The following FNBP4 variants were observed in gnomAD, a reference collection of about 807,000 sequenced individuals.
FNBP4 encodes formin-binding protein 4.
FNBP4 carries 34 observed loss-of-function variants against 119.3 expected under a neutral mutation model. That is an observed-to-expected ratio of 0.28 (90% CI 0.22 to 0.38). FNBP4 has a LOEUF of 0.38. FNBP4 is among the 10% of genes least tolerant of loss of function. The pLI, the probability that FNBP4 is intolerant of heterozygous loss-of-function variation, is 1.00. For synonymous variants in FNBP4, 462 were observed against 430.6 expected (o/e 1.07, Z -0.90); for missense variants, 1,112 against 1,228.9 (o/e 0.90, Z 1.42).
intron 2 of FNBP4, among the ~76,000 whole-genome samples, chr11:47,760,646 C>A (rs2097632047): frequency 6.6e-6 from 1 of 152,088 alleles, no homozygotes; most frequent in African/African-American, 2.4e-5. Context: ...GTTGGCCAGG[C>A]TGATCTAGAA....
Position 47,732,275 on chromosome 11 carries a change from G to A in FNBP4, c.1820+262C>T, listed in dbSNP as rs1378755605. The stretch of plus-strand genomic sequence containing the variant: ...TTAACCCCCAAGCCCGCCCTACTCC[G>A]TGCAACACTCTGGAGAGTAAAAACC... On this transcript the variant is annotated intron_variant, in intron 11 of 16. Transcript: ENST00000263773. This position sits in a 1 kb window ranked among gnomAD's most constrained non-coding sequence, Gnocchi z 4.2. 6.9e-6 allele frequency: 9 copies of A among 1,308,998 alleles called. No individual in the cohort carries two copies. The highest frequency in any genetic ancestry group is 3.0e-5 in the African/African-American group (2 of 67,054). 81.1% of individuals were successfully genotyped at this position (1,308,998 alleles called of 1,614,324 possible).
At chr11:47,763,693 G>A (rs1320880072) in intron 2 of FNBP4, among the ~76,000 whole-genome samples, 1 of 152,018 alleles carries the variant, frequency 6.6e-6, no homozygotes, top group African/African-American at 2.4e-5. Flanking sequence ...ATAGAGATGG[G>A]GTTTCACCGT....
intron 15 of FNBP4, among the ~76,000 whole-genome samples, chr11:47,722,081 A>T (rs1208909854): frequency 1.6e-4 from 21 of 128,478 alleles, no homozygotes; most frequent in African/African-American, 5.2e-4. Flanking sequence ...TCATAGATTT[A>T]TTTTTCCCTT....
intron 10 of FNBP4, 22 bp downstream of exon 10, chr11:47,734,000 CAAA>C (rs79199646): frequency 0.01 from 9,133 of 878,846 alleles, no homozygotes; most frequent in South Asian, 0.022. Context: ...CTGTTTATGC[CAAA>C]AAAAAAAAAA....
rs369288568 is a variant in FNBP4, at chr11:47,740,168, A to T, written c.1457-3428T>A. Among the ~76,000 whole-genome samples, 14 of 151,952 alleles carry T rather than the reference A, an allele frequency of 9.2e-5. No individual in the cohort carries two copies. In the East Asian group the frequency reaches 2.0e-3, roughly 21 times the overall value. On this transcript the variant is annotated intron_variant, in intron 8 of 16. Transcript: ENST00000263773. ...AGTGTCTCACGCCTGTAATCCAAGCACTTTGGGAGGCAGAGACGGGCGGAT... is the reference window on the plus strand; with the variant it reads ...AGTGTCTCACGCCTGTAATCCAAGCTCTTTGGGAGGCAGAGACGGGCGGAT...
chr11:47,751,758 C>G (rs1162370122), intron 4 of FNBP4, among the ~76,000 whole-genome samples: 1 of 152,100 alleles, frequency 6.6e-6, no homozygotes, highest in Non-Finnish European at 1.5e-5. Flanking sequence ...TTGAGACCAG[C>G]CTGATCAACA....
intron 12 of FNBP4, chr11:47,729,652 G>A: frequency 9.4e-6 from 9 of 961,712 alleles, no homozygotes; most frequent in Non-Finnish European, 1.1e-5. Flanking sequence ...TCGGACTACA[G>A]GCGTGGGCCA....
Position 47,767,326 on chromosome 11 carries a change from G to A in FNBP4, c.-38C>T. On this transcript the variant is annotated 5_prime_UTR_variant, in exon 1 of 17. Transcript: ENST00000263773. The stretch of plus-strand genomic sequence containing the variant: ...CGCGAGCAGAGAGCGTCGGGCGGCC[G>A]AGAGGGGCGGGCACTGGAGGCTGGG... 2 of 1,440,906 alleles carry A rather than the reference G, an allele frequency of 1.4e-6. No homozygotes were observed. Among genetic ancestry groups the A allele is most frequent in the Middle Eastern group, 2.3e-4 (1 of 4,322 alleles). 89.3% of individuals were successfully genotyped at this position (1,440,906 alleles called of 1,614,324 possible). A position where few individuals can be genotyped will look rare whatever the true frequency, so the allele number is the denominator to read the frequency against.
At chr11:47,736,808 C>A in intron 8 of FNBP4, 68 bp from the exon 9 acceptor site, 1 of 1,352,492 alleles carries the variant, frequency 7.4e-7, no homozygotes, top group Non-Finnish European at 1.0e-6. Context: ...ACCTTTTCCC[C>A]CATAGCAGAT....
chr11:47,723,063 T>C lies in FNBP4; in HGVS notation c.2718A>G (p.Pro906=). ...AVPTATIIEP[P]PPPPPPPPPP... ...GAGGAGGAGGAGGAGGAGGTGGTGG[T>C]GGTGGTTCTATAATGGTAGCGGTAG... Residue 906 remains proline, a synonymous_variant, in exon 15 of 17, where the codon CCA becomes CCG. Coordinates refer to ENST00000263773, the MANE Select transcript of FNBP4 (RefSeq NM_015308.5). 1 of 1,601,126 alleles carries C rather than the reference T, an allele frequency of 6.2e-7. No homozygotes were observed. Among genetic ancestry groups the C allele is most frequent in the Non-Finnish European group, 8.5e-7 (1 of 1,173,788 alleles).
intron 12 of FNBP4, chr11:47,725,056 C>T: frequency 3.4e-6 from 1 of 292,188 alleles, no homozygotes; most frequent in Non-Finnish European, 6.3e-6. Flanking sequence ...CTTCATAGCA[C>T]CTTCCCCATC....
At chr11:47,762,027 G>A (rs894872501) in intron 2 of FNBP4, among the ~76,000 whole-genome samples, 2 of 151,776 alleles carry the variant, frequency 1.3e-5, no homozygotes, top group African/African-American at 4.8e-5. Context: ...TAGTAGAGAC[G>A]GGGTTTCTCC....
chr11:47,741,661 C>G (rs1052029522), intron 8 of FNBP4, among the ~76,000 whole-genome samples: 1 of 151,736 alleles, frequency 6.6e-6, no homozygotes, highest in Non-Finnish European at 1.5e-5. Flanking sequence ...ACTAAAAATA[C>G]AAAAATTAGT....
chr11:47,742,513 G>A (rs889047585), intron 8 of FNBP4, among the ~76,000 whole-genome samples: 3 of 106,176 alleles, frequency 2.8e-5, no homozygotes, highest in African/African-American at 6.1e-5. Context: ...AAAGGACCAC[G>A]GGGTAGGGAA....
At chr11:47,728,848 C>CTT (rs35490791) in intron 12 of FNBP4, among the ~76,000 whole-genome samples, 10,158 of 113,510 alleles carry the variant, frequency 0.089, 613 homozygotes, top group Non-Finnish European at 0.12. Context: ...CTGTAGGCGT[C>CTT]TTTTTTTTTT....
chr11:47,744,233 CA>C, intron 7 of FNBP4, 70 bp from the exon 8 acceptor site: 1 of 1,307,558 alleles, frequency 7.6e-7, no homozygotes, highest in South Asian at 1.3e-5. Flanking sequence ...GAATAATAAA[CA>C]AGACTATGTT....
At chr11:47,753,643 A>C (rs978160840) in intron 3 of FNBP4, among the ~76,000 whole-genome samples, 4 of 151,992 alleles carry the variant, frequency 2.6e-5, no homozygotes, top group Non-Finnish European at 5.9e-5. Context: ...AAAAGAATAC[A>C]ATTATTATCG....
rs772599599 is a variant in FNBP4 at position 47,725,807 on chromosome 11, A to G, written c.2009-1029T>C. On this transcript the variant is annotated intron_variant, in intron 12 of 16. Transcript: ENST00000263773. ...CAATATATGGGACTATTAGATATAT[A>G]TCCCAGGAATGTTGAAGGGGATTTT... The G allele has an allele frequency of 1.0e-5, 10 of 982,396 alleles. 1 individual carries two copies. The South Asian group carries it at 1.4e-4, about 14-fold the overall frequency. 60.9% of individuals were successfully genotyped at this position (982,396 alleles called of 1,614,324 possible).
chr11:47,735,781 G>T (rs2097573108), intron 9 of FNBP4, among the ~76,000 whole-genome samples: 1 of 151,760 alleles, frequency 6.6e-6, no homozygotes, highest in Admixed American at 6.6e-5. Context: ...TTAATAAATG[G>T]CATTAAAAAA....
Sources: allele counts gnomAD v4.1 joint callset (sites outside exome capture counted in the v4.1 genomes callset), GRCh38; gene constraint gnomAD v4.1.1; non-coding constraint Gnocchi (gnomAD v3.1); transcripts MANE v1.5; gene names NCBI Gene and HGNC (gene_info 2026-07-23, HGNC 2026-07-21).